The following DAB1 variants were observed in gnomAD, a reference collection of about 807,000 sequenced individuals.
DAB1 encodes disabled homolog 1.
DAB1 carries 15 observed loss-of-function variants against 64.6 expected under a neutral mutation model. That is an observed-to-expected ratio of 0.23 (90% CI 0.16 to 0.36). The LOEUF (loss-of-function observed/expected upper bound fraction) is 0.36, where lower values mean the gene tolerates loss of function less well. DAB1 is among the 10% of genes least tolerant of loss of function. The pLI is 1.00. For synonymous variants in DAB1, 235 were observed against 251.9 expected (o/e 0.93, Z 0.64); for missense variants, 596 against 706.7 (o/e 0.84, Z 1.78).
At chr1:58,236,116 C>T (rs1280422523) in intron 4 of DAB1, among the ~76,000 whole-genome samples, 1 of 142,932 alleles carries the variant, frequency 7.0e-6, no homozygotes, top group Non-Finnish European at 1.5e-5. Context: ...CCCGCCCCAC[C>T]CCGCCCCGCC....
chr1:57,412,425 A>G (rs187610293), intron 1 of DAB1, among the ~76,000 whole-genome samples: 1 of 152,384 alleles, frequency 6.6e-6, no homozygotes, highest in East Asian at 1.9e-4. Flanking sequence ...CTCTTGTGCC[A>G]GACAGCCAAG....
chr1:58,465,318 G>A (rs1467034172), intron 3 of DAB1, among the ~76,000 whole-genome samples: 1 of 152,214 alleles, frequency 6.6e-6, no homozygotes, highest in African/African-American at 2.4e-5. Context: ...ACCCTAGAGA[G>A]TGGCTGACCC....
At chr1:57,480,548 A>G (rs1490593673) in intron 7 of DAB1, among the ~76,000 whole-genome samples, 1 of 151,260 alleles carries the variant, frequency 6.6e-6, no homozygotes, top group African/African-American at 2.4e-5. Context: ...GCAGTAGCTT[A>G]ATCGTGGCTC....
chr1:57,859,597 G>T (rs1268483337), intron 1 of DAB1, among the ~76,000 whole-genome samples: 3 of 152,144 alleles, frequency 2.0e-5, no homozygotes, highest in African/African-American at 7.2e-5. Context: ...TGAGAACTTT[G>T]CACAATGCTG....
At chr1:57,752,679 G>A (rs1177950631) in intron 6 of DAB1, among the ~76,000 whole-genome samples, 1 of 152,168 alleles carries the variant, frequency 6.6e-6, no homozygotes, top group African/African-American at 2.4e-5. Flanking sequence ...GAGTTTGAGA[G>A]CCAGGGATAA....
intron 3 of DAB1, among the ~76,000 whole-genome samples, chr1:57,143,202 A>G (rs1201072224): frequency 6.6e-6 from 1 of 152,172 alleles, no homozygotes; most frequent in African/African-American, 2.4e-5. Context: ...TTGGGAGAAC[A>G]GGGGGATCTG....
intron 1 of DAB1, among the ~76,000 whole-genome samples, chr1:57,324,664 C>A (rs968206578): frequency 5.9e-5 from 9 of 152,080 alleles, no homozygotes; most frequent in African/African-American, 9.7e-5. Context: ...CTACACCAAC[C>A]TTTCCTCCCT....
At chr1:57,295,636 C>T (rs1292608417) in intron 1 of DAB1, among the ~76,000 whole-genome samples, 1 of 152,114 alleles carries the variant, frequency 6.6e-6, no homozygotes, top group African/African-American at 2.4e-5. Context: ...CTATAGCATG[C>T]TACCTTTTAT....
chr1:58,319,913 C>G lies in DAB1; in HGVS notation n.309+23439G>C, dbSNP rs1226156408. On this transcript the variant is annotated intron_variant and non_coding_transcript_variant, in intron 4 of 20. Transcript: ENST00000485760. ...ATCATGACAGCCTCAGTGTCTTGTT[C>G]AGGATTTGCTTGGAAACTAGGTGAA... 2.0e-5 allele frequency among the ~76,000 whole-genome samples: 3 copies of G among 152,128 alleles called. No individual in the cohort carries two copies. The East Asian group carries it at 5.8e-4, about 29-fold the overall frequency.
chr1:57,625,627 T>G (rs1645913485), intron 7 of DAB1, among the ~76,000 whole-genome samples: 1 of 152,040 alleles, frequency 6.6e-6, no homozygotes, highest in African/African-American at 2.4e-5. Flanking sequence ...GAGAAAAAGG[T>G]GTCCAGGCAA....
At chr1:58,175,603 C>A (rs939293340) in intron 4 of DAB1, among the ~76,000 whole-genome samples, 3 of 152,120 alleles carry the variant, frequency 2.0e-5, no homozygotes, top group African/African-American at 7.2e-5. Context: ...GCTTATTAAC[C>A]ATATTTTCTT....
chr1:57,665,056 A>G (rs985775483), intron 6 of DAB1, among the ~76,000 whole-genome samples: 2 of 152,058 alleles, frequency 1.3e-5, no homozygotes, highest in African/African-American at 4.8e-5. Context: ...AACCTACGCC[A>G]TAAACAATAT....
intron 1 of DAB1, among the ~76,000 whole-genome samples, chr1:57,301,432 TG>T (rs1204283474): frequency 6.6e-6 from 1 of 152,194 alleles, no homozygotes; most frequent in African/African-American, 2.4e-5. Flanking sequence ...GAAGGCTTAC[TG>T]TGTTTATTTG....
chr1:57,035,769 C>T (rs1237377041), intron 9 of DAB1, among the ~76,000 whole-genome samples: 1 of 151,048 alleles, frequency 6.6e-6, no homozygotes, highest in Non-Finnish European at 1.5e-5. Flanking sequence ...ATAGTAGATG[C>T]CCAAGGAATA....
intron 6 of DAB1, among the ~76,000 whole-genome samples, chr1:57,788,824 ATCTTGCT>A (rs1189439252): frequency 1.3e-5 from 2 of 152,178 alleles, no homozygotes; most frequent in South Asian, 4.1e-4. Context: ...TTGAGACTCT[ATCTTGCT>A]TCAAAATTGG....
At chr1:57,262,673 C>T (rs114626751) in intron 2 of DAB1, among the ~76,000 whole-genome samples, 1,730 of 152,342 alleles carry the variant, frequency 0.011, 28 homozygotes, top group African/African-American at 0.039. Context: ...AGACTGATCA[C>T]TGGTGTGATG....
intron 5 of DAB1, among the ~76,000 whole-genome samples, chr1:57,939,732 G>A (rs1645076602): frequency 6.6e-6 from 1 of 152,124 alleles, no homozygotes; most frequent in Non-Finnish European, 1.5e-5. Flanking sequence ...CACAAAGCAA[G>A]TTTATCCCCT....
chr1:57,388,301 C>T (rs1682054826), intron 1 of DAB1, among the ~76,000 whole-genome samples: 1 of 152,160 alleles, frequency 6.6e-6, no homozygotes, highest in Non-Finnish European at 1.5e-5. Flanking sequence ...ACCCTGCAGC[C>T]CCTATTCACC....
intron 12 of DAB1, among the ~76,000 whole-genome samples, chr1:57,011,971 G>A (rs1024771009): frequency 5.3e-5 from 8 of 152,096 alleles, no homozygotes; most frequent in African/African-American, 1.4e-4. Flanking sequence ...CTTCACAGCT[G>A]GTACTTGATT....
Sources: allele counts gnomAD v4.1 joint callset (sites outside exome capture counted in the v4.1 genomes callset), GRCh38; gene constraint gnomAD v4.1.1; transcripts MANE v1.5; gene names NCBI Gene and HGNC (gene_info 2026-07-23, HGNC 2026-07-21).